Variants in CTNNA2 observed in about 807,000 individuals in gnomAD.
The protein encoded by CTNNA2 is catenin alpha 2.
In CTNNA2, 42 loss-of-function variants were observed where a neutral mutation model predicts 101.0. The ratio of observed to expected loss-of-function variants is 0.42; its 90% CI spans 0.32 to 0.54. CTNNA2 has a LOEUF of 0.54. CTNNA2 is among the 20% of genes least tolerant of loss of function. The pLI, the probability that CTNNA2 is intolerant of heterozygous loss-of-function variation, is 0.14. For synonymous variants in CTNNA2, 450 were observed against 456.4 expected (o/e 0.99, Z 0.18); for missense variants, 871 against 1,223.1 (o/e 0.71, Z 4.29).
chr2:80,505,256 G>C (rs1417262020), intron 9 of CTNNA2, among the ~76,000 whole-genome samples: 1 of 152,236 alleles, frequency 6.6e-6, no homozygotes, highest in African/African-American at 2.4e-5. Flanking sequence ...AAGTCAGGAA[G>C]AAAGTGTTCT....
chr2:80,098,487 C>T (rs779363550), intron 7 of CTNNA2, among the ~76,000 whole-genome samples: 9 of 152,332 alleles, frequency 5.9e-5, no homozygotes, highest in Non-Finnish European at 1.0e-4. Flanking sequence ...TCCCCGTTCT[C>T]GGATCTCAAG....
intron 9 of CTNNA2, among the ~76,000 whole-genome samples, chr2:80,474,892 A>G (rs1685601090): frequency 1.3e-5 from 2 of 152,204 alleles, no homozygotes; most frequent in Non-Finnish European, 2.9e-5. Flanking sequence ...GGAGAATTGA[A>G]GAGCACATGG....
intron 9 of CTNNA2, among the ~76,000 whole-genome samples, chr2:80,516,169 CT>C (rs1689094444): frequency 6.6e-6 from 1 of 152,186 alleles, no homozygotes; most frequent in Admixed American, 6.5e-5. Flanking sequence ...TCAGGAAAGC[CT>C]TTGTGTCCAG....
At chr2:80,363,657 C>A (rs1369429047) in intron 7 of CTNNA2, among the ~76,000 whole-genome samples, 1 of 152,014 alleles carries the variant, frequency 6.6e-6, no homozygotes, top group Non-Finnish European at 1.5e-5. Context: ...TATAATGGTG[C>A]GTGCATATGG....
At chr2:79,950,491 G>A (rs559224735) in intron 7 of CTNNA2, among the ~76,000 whole-genome samples, 2 of 152,280 alleles carry the variant, frequency 1.3e-5, no homozygotes, top group South Asian at 4.1e-4. Flanking sequence ...TGTATTGAAA[G>A]AACATATCTG....
intron 9 of CTNNA2, among the ~76,000 whole-genome samples, chr2:80,420,039 A>G (rs1036946421): frequency 7.8e-5 from 11 of 141,736 alleles, no homozygotes; most frequent in Non-Finnish European, 1.2e-4. Flanking sequence ...CTTGTGAAAA[A>G]AAAAAAAAAA....
chr2:80,589,955 T>A (rs557307931), intron 15 of CTNNA2, among the ~76,000 whole-genome samples: 63 of 152,234 alleles, frequency 4.1e-4, no homozygotes, highest in African/African-American at 1.5e-3. Flanking sequence ...TAGCTTGTGA[T>A]CTAGCATTAA....
At chr2:79,806,417 A>G (rs758519455) in intron 3 of CTNNA2, among the ~76,000 whole-genome samples, 11 of 152,164 alleles carry the variant, frequency 7.2e-5, no homozygotes, top group Non-Finnish European at 1.3e-4. Context: ...CTACAGTGTT[A>G]TGAATAAAAT....
At chr2:79,986,799 C>A (rs1411236121) in intron 7 of CTNNA2, among the ~76,000 whole-genome samples, 1 of 152,062 alleles carries the variant, frequency 6.6e-6, no homozygotes, top group African/African-American at 2.4e-5. Context: ...GGTAGGAGTC[C>A]CAGAGTTCCA....
intron 1 of CTNNA2, among the ~76,000 whole-genome samples, chr2:79,534,909 A>G (rs1672962534): frequency 6.6e-6 from 1 of 151,780 alleles, no homozygotes. Flanking sequence ...GGTGAAAAAA[A>G]AAAACTCCTG....
At chr2:80,062,957 G>A (rs372431740) in intron 7 of CTNNA2, among the ~76,000 whole-genome samples, 285 of 152,142 alleles carry the variant, frequency 1.9e-3, no homozygotes, top group Middle Eastern at 3.4e-3. Context: ...CACCTGCCTC[G>A]GCCTCCCAAA....
chr2:80,281,847 G>T (rs1379812549), intron 7 of CTNNA2, among the ~76,000 whole-genome samples: 1 of 151,942 alleles, frequency 6.6e-6, no homozygotes, highest in African/African-American at 2.4e-5. Context: ...TATATGGTTA[G>T]TGTAATATAA....
chr2:80,508,126 T>C (rs1172383976), intron 9 of CTNNA2, among the ~76,000 whole-genome samples: 2 of 152,150 alleles, frequency 1.3e-5, no homozygotes, highest in Non-Finnish European at 2.9e-5. Context: ...ACTTTTACAC[T>C]TGCTGGTTAA....
intron 7 of CTNNA2, among the ~76,000 whole-genome samples, chr2:80,260,694 GA>G (rs2149122272): frequency 6.6e-6 from 1 of 152,278 alleles, no homozygotes; most frequent in Admixed American, 6.5e-5. Flanking sequence ...TCTCAGAGCA[GA>G]AAAGATAAGC....
intron 7 of CTNNA2, among the ~76,000 whole-genome samples, chr2:79,994,451 T>G (rs548248751): frequency 6.6e-6 from 1 of 152,086 alleles, no homozygotes; most frequent in African/African-American, 2.4e-5. Context: ...CTTCAGAGAG[T>G]GGCTTTTTGA....
intron 9 of CTNNA2, among the ~76,000 whole-genome samples, chr2:80,539,877 T>A (rs1691390144): frequency 6.6e-6 from 1 of 152,228 alleles, no homozygotes; most frequent in African/African-American, 2.4e-5. Context: ...AAATGCTTTA[T>A]TGTTTTCTAA....
chr2:79,260,624 C>T (rs2861788), intron 2 of CTNNA2, among the ~76,000 whole-genome samples: 70,633 of 151,900 alleles, frequency 0.46, 16,807 homozygotes, highest in Non-Finnish European at 0.5. Flanking sequence ...TCGTTATCCC[C>T]ATAGACACCC....
intron 2 of CTNNA2, among the ~76,000 whole-genome samples, chr2:79,277,184 G>A (rs1675234506): frequency 6.6e-6 from 1 of 152,108 alleles, no homozygotes; most frequent in South Asian, 2.1e-4. Flanking sequence ...CACCAGGATT[G>A]CAACAGCAGA....
intron 9 of CTNNA2, among the ~76,000 whole-genome samples, chr2:80,424,873 A>T (rs928187473): frequency 2.6e-5 from 4 of 152,176 alleles, no homozygotes; most frequent in African/African-American, 9.7e-5. Flanking sequence ...ACTGGGGATG[A>T]AGCTCCAAGC....
Sources: gnomAD v4.1 joint callset for allele counts (sites outside exome capture counted in the v4.1 genomes callset) on GRCh38, gnomAD v4.1.1 for gene constraint, MANE v1.5 for transcripts, NCBI Gene and HGNC (gene_info 2026-07-23, HGNC 2026-07-21) for gene names.